Variants in PTPRD observed in about 807,000 individuals in gnomAD.
PTPRD encodes protein tyrosine phosphatase receptor type D, also known as receptor-type tyrosine-protein phosphatase delta.
A neutral mutation model predicts 214.5 loss-of-function variants in PTPRD; 34 were observed. The observed-to-expected ratio is 0.16, with a 90% CI of 0.12 to 0.21. The LOEUF is 0.21. PTPRD is among the 10% of genes least tolerant of loss of function. The pLI is 1.00. For missense variants in PTPRD, 2,545 were observed against 2,398.7 expected (o/e 1.06, Z -1.27); for synonymous variants, 1,128 against 845.7 (o/e 1.33, Z -5.79).
At chr9:10,312,089 A>G (rs2096281191) in intron 3 of PTPRD, among the ~76,000 whole-genome samples, 1 of 151,970 alleles carries the variant, frequency 6.6e-6, no homozygotes, top group Non-Finnish European at 1.5e-5. Context: ...AAAAATAAAA[A>G]CAACCAGAGT....
At chr9:10,105,452 T>C (rs191928050) in intron 3 of PTPRD, among the ~76,000 whole-genome samples, 50 of 151,942 alleles carry the variant, frequency 3.3e-4, no homozygotes, top group Non-Finnish European at 5.5e-4. Context: ...GGCAAGTGCA[T>C]GGGATTAGAA....
chr9:9,329,359 T>A (rs1045233456), intron 9 of PTPRD, among the ~76,000 whole-genome samples: 1 of 152,186 alleles, frequency 6.6e-6, no homozygotes, highest in Admixed American at 6.5e-5. Context: ...TTTTCATAAC[T>A]AAGAGATGAG....
chr9:9,540,462 G>C (rs1296770684), intron 8 of PTPRD, among the ~76,000 whole-genome samples: 1 of 151,726 alleles, frequency 6.6e-6, no homozygotes, highest in Non-Finnish European at 1.5e-5. Flanking sequence ...TGAAGTCTAT[G>C]ATGGAGAAAG....
chr9:9,361,327 C>A (rs1220944074), intron 9 of PTPRD, among the ~76,000 whole-genome samples: 5 of 151,086 alleles, frequency 3.3e-5, no homozygotes, highest in African/African-American at 1.2e-4. Context: ...TGTCATATTG[C>A]TGCTTATTAA....
At chr9:9,906,227 T>C (rs1290047183) in intron 5 of PTPRD, among the ~76,000 whole-genome samples, 1 of 151,910 alleles carries the variant, frequency 6.6e-6, no homozygotes, top group African/African-American at 2.4e-5. Context: ...ATGACATATT[T>C]GTTATAAAAT....
At chr9:8,323,609 A>G (rs1346759264) in intron 44 of PTPRD, among the ~76,000 whole-genome samples, 2 of 136,994 alleles carry the variant, frequency 1.5e-5, no homozygotes, top group African/African-American at 6.3e-5. Flanking sequence ...ATGGTGGAAT[A>G]GCAAGATAAC....
intron 9 of PTPRD, among the ~76,000 whole-genome samples, chr9:9,203,255 A>G (rs2099942932): frequency 6.6e-6 from 1 of 151,996 alleles, no homozygotes; most frequent in South Asian, 2.1e-4. Context: ...ACAAACACAC[A>G]CACACACAAT....
intron 4 of PTPRD, among the ~76,000 whole-genome samples, chr9:9,977,992 C>G (rs896628095): frequency 6.6e-6 from 1 of 151,768 alleles, no homozygotes; most frequent in Non-Finnish European, 1.5e-5. Flanking sequence ...AAACCTGTTG[C>G]TTCCAATCAA....
At chr9:9,241,698 T>C (rs2099970432) in intron 9 of PTPRD, among the ~76,000 whole-genome samples, 1 of 151,960 alleles carries the variant, frequency 6.6e-6, no homozygotes, top group East Asian at 1.9e-4. Context: ...GTTTGCTTGG[T>C]AGATCTTCCT....
chr9:8,492,973 T>C lies in PTPRD; in HGVS notation c.2356A>G (p.Ile786Val), dbSNP rs778494788. 1 of 1,611,820 alleles carries C rather than the reference T, an allele frequency of 6.2e-7. No individual in the cohort carries two copies. Among genetic ancestry groups the C allele is most frequent in the Non-Finnish European group, 8.5e-7 (1 of 1,178,100 alleles). ...EFDDTTEHDM[I>V]ISGLQPETSY... ...GTTTCAGGCTGGAGCCCAGAAATGATCATGTCCTGAAATGACAAAATAGAA... is the reference window on the plus strand; with the variant it reads ...GTTTCAGGCTGGAGCCCAGAAATGACCATGTCCTGAAATGACAAAATAGAA... The change falls in exon 27 of 46, where the codon ATC becomes GTC. Residue 786 changes from isoleucine to valine, a missense_variant. Coordinates refer to ENST00000381196, the MANE Select transcript of PTPRD (RefSeq NM_002839.4).
At position 8,876,989 on chromosome 9, in the gene PTPRD, C is replaced by T. The variant is rs146624188; in HGVS notation, c.-104+141708G>A. On this transcript the variant is annotated intron_variant, in intron 11 of 45. Coordinates refer to ENST00000381196, the MANE Select transcript of PTPRD (RefSeq NM_002839.4). ...GTCCCCAGGCTGGACTGCAGTGGCG[C>T]GATCTCAGCTCACAGCAACCTCTGC... Among the ~76,000 whole-genome samples, 51 of 151,664 alleles carry T rather than the reference C, an allele frequency of 3.4e-4. No individual in the cohort carries two copies. In the East Asian group the frequency reaches 4.7e-3, roughly 14 times the overall value.
intron 5 of PTPRD, among the ~76,000 whole-genome samples, chr9:9,802,484 A>G (rs1014181820): frequency 3.3e-5 from 5 of 151,826 alleles, no homozygotes; most frequent in African/African-American, 1.2e-4. Context: ...GGTTCAAAAT[A>G]TGAAATATCT....
At chr9:9,731,607 C>T (rs1271606862) in intron 7 of PTPRD, among the ~76,000 whole-genome samples, 1 of 151,960 alleles carries the variant, frequency 6.6e-6, no homozygotes, top group Admixed American at 6.6e-5. Flanking sequence ...TATCCTTCCC[C>T]CCTCCCTACA....
intron 8 of PTPRD, among the ~76,000 whole-genome samples, chr9:9,437,128 C>G (rs2085603256): frequency 6.6e-6 from 1 of 152,188 alleles, no homozygotes; most frequent in Non-Finnish European, 1.5e-5. Context: ...ATTCAGTGCA[C>G]ATTCTGCCTT....
intron 11 of PTPRD, among the ~76,000 whole-genome samples, chr9:8,848,428 T>A (rs1464249131): frequency 6.6e-6 from 1 of 150,444 alleles, no homozygotes; most frequent in Admixed American, 6.6e-5. Context: ...CTTGATCTCC[T>A]GGACTTAAGT....
chr9:10,232,179 G>A (rs576451210), intron 3 of PTPRD, among the ~76,000 whole-genome samples: 23 of 151,718 alleles, frequency 1.5e-4, no homozygotes, highest in Admixed American at 1.4e-3. Context: ...CATGCCCCTT[G>A]AACTTCCCAG....
chr9:9,824,762 T>C (rs984697328), intron 5 of PTPRD, among the ~76,000 whole-genome samples: 3 of 152,064 alleles, frequency 2.0e-5, no homozygotes, highest in South Asian at 4.1e-4. Flanking sequence ...TGAGATGATT[T>C]TGTGAGTCTT....
At chr9:10,326,264 C>T (rs914742421) in intron 3 of PTPRD, among the ~76,000 whole-genome samples, 4 of 150,742 alleles carry the variant, frequency 2.7e-5, no homozygotes, top group African/African-American at 7.3e-5. Flanking sequence ...ATGCTAATGT[C>T]CAAAAAAGAG....
intron 39 of PTPRD, among the ~76,000 whole-genome samples, chr9:8,374,528 G>A (rs916000862): frequency 6.6e-5 from 10 of 152,084 alleles, no homozygotes; most frequent in Admixed American, 5.2e-4. Context: ...ACCCTGTCTT[G>A]GATGTAGGGA....
Sources: allele counts gnomAD v4.1 joint callset (sites outside exome capture counted in the v4.1 genomes callset), GRCh38; gene constraint gnomAD v4.1.1; transcripts MANE v1.5; gene names NCBI Gene and HGNC (gene_info 2026-07-23, HGNC 2026-07-21).